MPRIP: variants seen among roughly 807,000 people sequenced by gnomAD.
MPRIP encodes the protein myosin phosphatase Rho interacting protein, also known as myosin phosphatase Rho-interacting protein.
A neutral mutation model predicts 234.9 loss-of-function variants in MPRIP; 59 were observed. That is an observed-to-expected ratio of 0.25 (90% confidence interval 0.20 to 0.31). The LOEUF is 0.31. Ranked by LOEUF, MPRIP falls within the 10% of genes least tolerant of loss-of-function variation. The pLI is 1.00. For missense variants in MPRIP, 2,436 were observed against 3,071.0 expected (o/e 0.79, Z 4.89); for synonymous variants, 1,144 against 1,263.9 (o/e 0.91, Z 2.01).
In MPRIP at chr17:17,190,813, T is replaced by C. The variant is rs2046571882; in HGVS notation, c.*5919T>C. The stretch of plus-strand genomic sequence containing the variant: ...TGCAGTACTTTGTGAATACTTAAGC[T>C]ACTGCATGCTTGGTGTAGCTTGCAA... On this transcript the variant is annotated 3_prime_UTR_variant, in exon 24 of 24. Transcript: ENST00000651222. 1 of 152,228 alleles carries C rather than the reference T, an allele frequency of 6.6e-6. No individual in the cohort carries two copies. Among genetic ancestry groups the C allele is most frequent in the South Asian group, 2.1e-4 (1 of 4,824 alleles). The allele number at this position is 152,228 out of a possible 1,614,324, so 9.4% of individuals were successfully genotyped here.
At chr17:17,154,824 C>T (rs12452134) in intron 13 of MPRIP, among the ~76,000 whole-genome samples, 14 of 151,680 alleles carry the variant, frequency 9.2e-5, no homozygotes, top group Admixed American at 8.5e-4. Context: ...TTGTCTTGGC[C>T]TTCTTTTCAC....
chr17:17,154,671 G>A (rs985785015), intron 13 of MPRIP, among the ~76,000 whole-genome samples: 7 of 152,216 alleles, frequency 4.6e-5, no homozygotes, highest in Non-Finnish European at 1.0e-4. Context: ...TTAGAACTGG[G>A]CTTTGGTGGA....
chr17:17,061,859 C>T (rs1358800583), intron 1 of MPRIP, among the ~76,000 whole-genome samples: 3 of 152,232 alleles, frequency 2.0e-5, no homozygotes, highest in East Asian at 3.9e-4. Context: ...GGAGCACTCC[C>T]GTGAACACTG....
At chr17:17,096,950 A>G (rs1330230326) in intron 3 of MPRIP, 2 of 387,454 alleles carry the variant, frequency 5.2e-6, no homozygotes, top group Admixed American at 3.1e-5. Flanking sequence ...CAGCCATCGC[A>G]GGGAGCATAA....
chr17:17,108,950 A>G (rs1386018379), intron 3 of MPRIP, among the ~76,000 whole-genome samples: 3 of 152,228 alleles, frequency 2.0e-5, no homozygotes, highest in Non-Finnish European at 4.4e-5. Context: ...GCCCACCTGT[A>G]TGCTAGCACT....
chr17:17,072,931 T>TTATTAAA (rs1332344875), intron 1 of MPRIP, among the ~76,000 whole-genome samples: 1 of 152,118 alleles, frequency 6.6e-6, no homozygotes, highest in East Asian at 1.9e-4. Flanking sequence ...TTTAATAGCT[T>TTATTAAA]TATTAAGATA....
At chr17:17,127,030 A>G (rs1173371674) in intron 4 of MPRIP, among the ~76,000 whole-genome samples, 177 bp downstream of exon 4, 1 of 152,140 alleles carries the variant, frequency 6.6e-6, no homozygotes, top group Non-Finnish European at 1.5e-5. Context: ...AAATCAGGAC[A>G]TTCACCATTC....
intron 3 of MPRIP, among the ~76,000 whole-genome samples, chr17:17,121,437 G>A (rs1044889023): frequency 1.3e-5 from 2 of 152,204 alleles, no homozygotes; most frequent in African/African-American, 4.8e-5. Context: ...CCTTGTCTGC[G>A]GGATGAGAGT....
intron 1 of MPRIP, among the ~76,000 whole-genome samples, chr17:17,066,712 AC>A (rs1169351097): frequency 9.9e-6 from 1 of 100,948 alleles, no homozygotes; most frequent in Admixed American, 1.2e-4. Flanking sequence ...ACCCACAGAT[AC>A]TTTTTTCATC....
At chr17:17,052,593 A>G (rs2088574925) in intron 1 of MPRIP, among the ~76,000 whole-genome samples, 1 of 152,068 alleles carries the variant, frequency 6.6e-6, no homozygotes, top group Non-Finnish European at 1.5e-5. Flanking sequence ...ATAAGTGTTA[A>G]CCTTTGCTAT....
chr17:17,122,347 A>ATTTGT (rs201265222), intron 3 of MPRIP, among the ~76,000 whole-genome samples: 12 of 151,554 alleles, frequency 7.9e-5, no homozygotes, highest in South Asian at 4.2e-4. Flanking sequence ...TTTTTTGTTT[A>ATTTGT]TTTGTTTTGT....
rs56270914 is a variant in MPRIP at position 17,192,427 on chromosome 17, T to TTGGGGGGGGGGG, written c.*7533_*7534insTGGGGGGGGGGG. ...ACCAGCTGAGCTGCTGCTTTTTTTT[T>TTGGGGGGGGGGG]GGGGGGGGGGGGGGGAGGGGCGTCT... is the stretch of plus-strand genomic sequence containing the variant. On this transcript the variant is annotated 3_prime_UTR_variant, in exon 24 of 24. Coordinates refer to ENST00000651222, the MANE Select transcript of MPRIP (RefSeq NM_001364716.4). The TTGGGGGGGGGGG allele has an allele frequency of 4.2e-4, 2 of 4,814 alleles. No individual in the cohort carries two copies. Among genetic ancestry groups the TTGGGGGGGGGGG allele is most frequent in the African/African-American group, 8.5e-4 (2 of 2,358 alleles). 0.3% of individuals were successfully genotyped at this position (4,814 alleles called of 1,614,324 possible).
At chr17:17,099,483 C>T (rs918160239) in intron 3 of MPRIP, among the ~76,000 whole-genome samples, 1 of 152,182 alleles carries the variant, frequency 6.6e-6, no homozygotes, top group African/African-American at 2.4e-5. Context: ...CACAGTGACT[C>T]AGGAGGCCAA....
intron 4 of MPRIP, among the ~76,000 whole-genome samples, chr17:17,128,560 C>G (rs950333200): frequency 6.6e-6 from 1 of 152,152 alleles, no homozygotes; most frequent in Non-Finnish European, 1.5e-5. Flanking sequence ...GACCAAGGTA[C>G]CGGGTGCACA....
intron 1 of MPRIP, among the ~76,000 whole-genome samples, chr17:17,060,095 G>T (rs953009416): frequency 6.6e-6 from 1 of 152,250 alleles, no homozygotes; most frequent in African/African-American, 2.4e-5. Flanking sequence ...CCCAATCTCC[G>T]CCAGCTTCCT....
chr17:17,180,676 C>T lies in MPRIP; in HGVS notation c.7206+588C>T, dbSNP rs201342448. ...TTCCCGGCCCATGCAGGAGGTAAAC[C>T]GCCTCTCCCACCGCCTGCATGCACT... On this transcript the variant is annotated intron_variant, in intron 23 of 23. Transcript: ENST00000651222. 1.3e-3 allele frequency: 2,089 copies of T among 1,611,680 alleles called. 4 individuals are homozygous for T. Among genetic ancestry groups the T allele is most frequent in the Admixed American group, 3.8e-3 (229 of 60,028 alleles).
intron 1 of MPRIP, among the ~76,000 whole-genome samples, chr17:17,049,011 A>G (rs374734018): frequency 1.4e-4 from 22 of 152,364 alleles, no homozygotes; most frequent in African/African-American, 5.3e-4. Flanking sequence ...TCTAAGAAGG[A>G]GCGAAGTACT....
intron 4 of MPRIP, among the ~76,000 whole-genome samples, chr17:17,127,543 C>G (rs2090516847): frequency 6.6e-6 from 1 of 152,240 alleles, no homozygotes; most frequent in African/African-American, 2.4e-5. Context: ...TCTTTGCTAC[C>G]CACATGGCCT....
intron 3 of MPRIP, among the ~76,000 whole-genome samples, chr17:17,102,088 A>G (rs190900465): frequency 7.3e-5 from 11 of 151,276 alleles, no homozygotes; most frequent in East Asian, 5.8e-4. Context: ...GGATCTCCCT[A>G]TGTTGCCCAG....
Sources: allele counts gnomAD v4.1 joint callset (sites outside exome capture counted in the v4.1 genomes callset), GRCh38; gene constraint gnomAD v4.1.1; transcripts MANE v1.5; gene names NCBI Gene and HGNC (gene_info 2026-07-23, HGNC 2026-07-21).